The following GABBR2 variants were observed in gnomAD, a reference collection of about 807,000 sequenced individuals.
GABBR2 encodes the protein gamma-aminobutyric acid type B receptor subunit 2.
GABBR2 carries 23 observed loss-of-function variants against 105.6 expected under a neutral mutation model. The ratio of observed to expected loss-of-function variants is 0.22; its 90% CI spans 0.16 to 0.31. GABBR2 has a LOEUF of 0.31. Among genes scored for constraint, GABBR2 ranks in the 10% least tolerant of loss-of-function variants. The pLI is 1.00. For missense variants in GABBR2, 734 were observed against 1,245.5 expected (o/e 0.59, Z 6.18); for synonymous variants, 478 against 499.7 (o/e 0.96, Z 0.58).
intron 3 of GABBR2, among the ~76,000 whole-genome samples, chr9:98,499,863 C>A (rs1827365605): frequency 6.6e-6 from 1 of 152,170 alleles, no homozygotes; most frequent in Non-Finnish European, 1.5e-5. Context: ...ACCAGCCTGG[C>A]CAACATGGTG....
intron 3 of GABBR2, among the ~76,000 whole-genome samples, chr9:98,519,262 G>A (rs756490438): frequency 9.2e-5 from 14 of 152,220 alleles, no homozygotes; most frequent in Non-Finnish European, 1.9e-4. Flanking sequence ...GACACCCTAT[G>A]CATCTGCCTG....
chr9:98,619,747 T>C (rs371636849), intron 1 of GABBR2, among the ~76,000 whole-genome samples: 33 of 152,258 alleles, frequency 2.2e-4, no homozygotes, highest in African/African-American at 7.7e-4. Flanking sequence ...TGATTAATAG[T>C]GTATGATGTT....
At chr9:98,292,270 T>A (rs1182398684) in intron 18 of GABBR2, among the ~76,000 whole-genome samples, 1 of 152,186 alleles carries the variant, frequency 6.6e-6, no homozygotes, top group African/African-American at 2.4e-5. Flanking sequence ...GCAAAAGAAA[T>A]ACTGCTATTC....
At chr9:98,621,917 G>T (rs1829675361) in intron 1 of GABBR2, among the ~76,000 whole-genome samples, 1 of 151,922 alleles carries the variant, frequency 6.6e-6, no homozygotes, top group Non-Finnish European at 1.5e-5. Flanking sequence ...TTATGGGCTT[G>T]CATGAAAAAT....
Position 98,303,184 on chromosome 9 carries a change from G to C in GABBR2, c.2412+57C>G, listed in dbSNP as rs868179369. On this transcript the variant is annotated intron_variant, in intron 16 of 18. Coordinates refer to ENST00000259455, the MANE Select transcript of GABBR2 (RefSeq NM_005458.8). ...GAGGAGCCTGAGAGTCCCCGCACAGGGTTAGAGGGGCTTCAGTGGCAGACA... is the reference window on the plus strand; with the variant it reads ...GAGGAGCCTGAGAGTCCCCGCACAGCGTTAGAGGGGCTTCAGTGGCAGACA... 2.1e-6 allele frequency: 3 copies of C among 1,435,176 alleles called. No homozygotes were observed. The African/African-American group carries it at 4.2e-5, about 20-fold the overall frequency. 88.9% of individuals were successfully genotyped at this position (1,435,176 alleles called of 1,614,324 possible).
At chr9:98,459,202 A>T (rs1359645418) in intron 6 of GABBR2, among the ~76,000 whole-genome samples, 2 of 152,194 alleles carry the variant, frequency 1.3e-5, no homozygotes, top group Non-Finnish European at 2.9e-5. Flanking sequence ...CTCAGTTCAG[A>T]CTTCCACTCT....
intron 1 of GABBR2, among the ~76,000 whole-genome samples, chr9:98,591,029 T>C (rs1829139245): frequency 6.6e-6 from 1 of 152,054 alleles, no homozygotes; most frequent in Non-Finnish European, 1.5e-5. Context: ...GAGCTTTCCA[T>C]TCAGGAGGGA....
intron 1 of GABBR2, among the ~76,000 whole-genome samples, chr9:98,613,374 C>A (rs1930422): frequency 0.087 from 13,104 of 150,912 alleles, 1,176 homozygotes; most frequent in East Asian, 0.46. Flanking sequence ...CAGTAGATTG[C>A]GGTTACAGTG....
chr9:98,402,078 A>G (rs1218376637), intron 8 of GABBR2, among the ~76,000 whole-genome samples: 1 of 152,192 alleles, frequency 6.6e-6, no homozygotes, highest in Non-Finnish European at 1.5e-5. Context: ...AGGTGCCAAA[A>G]TATAAAACTC....
At chr9:98,700,967 C>T (rs569115897) in intron 1 of GABBR2, among the ~76,000 whole-genome samples, 93 of 152,178 alleles carry the variant, frequency 6.1e-4, no homozygotes, top group Non-Finnish European at 1.2e-3. Context: ...AATAATCTTA[C>T]TGTGTTAAGC....
At chr9:98,360,851 G>A (rs558563324) in intron 13 of GABBR2, among the ~76,000 whole-genome samples, 17 of 152,070 alleles carry the variant, frequency 1.1e-4, no homozygotes, top group Non-Finnish European at 1.9e-4. Flanking sequence ...GGAACCTCTC[G>A]TAAATACTCA....
intron 6 of GABBR2, among the ~76,000 whole-genome samples, chr9:98,468,290 C>A (rs1826601190): frequency 6.6e-6 from 1 of 152,124 alleles, no homozygotes; most frequent in Non-Finnish European, 1.5e-5. Context: ...AAGGAGGGAA[C>A]CTTGGAGAAT....
chr9:98,289,363 G>A lies in GABBR2; in HGVS notation c.*1221C>T, dbSNP rs1235840460. 6.6e-6 allele frequency: 1 copy of A among 152,524 alleles called. No individual in the cohort carries two copies. The allele number at this position is 152,524 out of a possible 1,614,324, so 9.4% of individuals were successfully genotyped here. On this transcript the variant is annotated 3_prime_UTR_variant, in exon 19 of 19. Transcript: ENST00000259455. ...AAAGTCACGTAGGGAGTGGGCAGGG[G>A]ACTGAGGACTTGAACCCAGGTCTGT... is the stretch of plus-strand genomic sequence containing the variant.
At chr9:98,298,205 T>C (rs1239578822) in intron 17 of GABBR2, among the ~76,000 whole-genome samples, 1 of 152,218 alleles carries the variant, frequency 6.6e-6, no homozygotes, top group Non-Finnish European at 1.5e-5. Context: ...GTGTGTCCCA[T>C]AATCATAATG....
chr9:98,699,345 C>A (rs1016967122), intron 1 of GABBR2, among the ~76,000 whole-genome samples: 1 of 152,064 alleles, frequency 6.6e-6, no homozygotes. Context: ...CCCAAGCACC[C>A]TTTCCCCTTT....
intron 2 of GABBR2, among the ~76,000 whole-genome samples, chr9:98,574,124 A>G (rs1485337018): frequency 6.6e-6 from 1 of 152,254 alleles, no homozygotes; most frequent in African/African-American, 2.4e-5. Flanking sequence ...GGGCCTCAGC[A>G]TCAAGTGCCC....
At chr9:98,444,885 A>G (rs896795825) in intron 7 of GABBR2, among the ~76,000 whole-genome samples, 149 of 145,710 alleles carry the variant, frequency 1.0e-3, no homozygotes, top group African/African-American at 1.8e-3. Flanking sequence ...GCGCGCACAC[A>G]CACACACACA....
chr9:98,333,481 C>T lies in GABBR2; in HGVS notation c.1894-22276G>A, dbSNP rs538344621. On this transcript the variant is annotated intron_variant, in intron 13 of 18. Transcript: ENST00000259455. ...ATCCTGCCATGTCTTCTCCAGCTCCCGGTGGCCCCAGGCATTCCATGCTGT... is the reference window on the plus strand; with the variant it reads ...ATCCTGCCATGTCTTCTCCAGCTCCTGGTGGCCCCAGGCATTCCATGCTGT... 3.9e-5 allele frequency among the ~76,000 whole-genome samples: 6 copies of T among 152,218 alleles called. No individual in the cohort carries two copies. In the South Asian group the frequency reaches 1.0e-3, roughly 26 times the overall value.
intron 4 of GABBR2, among the ~76,000 whole-genome samples, chr9:98,485,501 C>T (rs538625860): frequency 7.8e-5 from 11 of 141,200 alleles, no homozygotes; most frequent in African/African-American, 2.5e-4. Flanking sequence ...CATACACACA[C>T]GCAGGCACAC....
Sources: allele counts gnomAD v4.1 joint callset (sites outside exome capture counted in the v4.1 genomes callset), GRCh38; gene constraint gnomAD v4.1.1; transcripts MANE v1.5; gene names NCBI Gene and HGNC (gene_info 2026-07-23, HGNC 2026-07-21).